Variants in PTPRD observed in about 807,000 individuals in gnomAD.
PTPRD encodes protein tyrosine phosphatase receptor type D, also known as receptor-type tyrosine-protein phosphatase delta.
Under a neutral mutation model 214.5 loss-of-function variants are expected in PTPRD, and 34 were observed. That is an observed-to-expected ratio of 0.16 (90% CI 0.12 to 0.21). The LOEUF is 0.21. Among genes scored for constraint, PTPRD ranks in the 10% least tolerant of loss-of-function variants. The probability of loss-of-function intolerance (pLI) is 1.00; values close to 1 mark genes in which losing one functional copy is unlikely to be tolerated. For synonymous variants in PTPRD, 1,128 were observed against 845.7 expected (o/e 1.33, Z -5.79); for missense variants, 2,545 against 2,398.7 (o/e 1.06, Z -1.27).
intron 6 of PTPRD, among the ~76,000 whole-genome samples, chr9:9,758,756 C>T (rs2098616794): frequency 1.4e-5 from 2 of 141,984 alleles, no homozygotes; most frequent in South Asian, 4.9e-4. Flanking sequence ...CAACCCCCAT[C>T]CCACTACTCC....
chr9:10,497,942 C>T (rs921454728), intron 2 of PTPRD, among the ~76,000 whole-genome samples: 1 of 151,874 alleles, frequency 6.6e-6, no homozygotes, highest in African/African-American at 2.4e-5. Flanking sequence ...CTTATCTAGT[C>T]TGTTGGTTAA....
At chr9:10,511,018 G>A (rs528748682) in intron 2 of PTPRD, among the ~76,000 whole-genome samples, 2 of 124,306 alleles carry the variant, frequency 1.6e-5, no homozygotes, top group African/African-American at 7.1e-5. Context: ...CCATGTTATT[G>A]TAAATGTACT....
rs946317607 is a variant in PTPRD at position 10,369,728 on chromosome 9, A to G, written c.-599-28711T>C. On this transcript the variant is annotated intron_variant, in intron 2 of 45. Transcript: ENST00000381196. ...ATTTCACCAGACTGACGGCTTCTGG[A>G]TCAGACAGTAAGTCTTGAAAGCTAA... 1.1e-4 allele frequency among the ~76,000 whole-genome samples: 17 copies of G among 152,178 alleles called. 1 individual carries two copies. In the South Asian group the frequency reaches 2.9e-3, roughly 26 times the overall value.
intron 5 of PTPRD, among the ~76,000 whole-genome samples, chr9:9,817,794 A>G (rs2049259350): frequency 6.6e-6 from 1 of 152,162 alleles, no homozygotes; most frequent in African/African-American, 2.4e-5. Flanking sequence ...CAGTGTCAAA[A>G]AGTCACAGGC....
chr9:9,298,437 T>C (rs1035088733), intron 9 of PTPRD, among the ~76,000 whole-genome samples: 1 of 151,862 alleles, frequency 6.6e-6, no homozygotes, highest in African/African-American at 2.4e-5. Context: ...TTAACTTTCA[T>C]GGCAGATGGA....
chr9:8,348,038 G>T (rs1256629670), intron 39 of PTPRD, among the ~76,000 whole-genome samples: 1 of 152,020 alleles, frequency 6.6e-6, no homozygotes, highest in Non-Finnish European at 1.5e-5. Flanking sequence ...CTTTTGAAAA[G>T]ATATCCTAAA....
intron 9 of PTPRD, among the ~76,000 whole-genome samples, chr9:9,284,861 G>C (rs938765504): frequency 3.3e-5 from 5 of 151,674 alleles, no homozygotes; most frequent in African/African-American, 4.8e-5. Context: ...TTTTATCAAA[G>C]GACTTTTGGA....
At chr9:9,336,849 A>T (rs1442743311) in intron 9 of PTPRD, among the ~76,000 whole-genome samples, 1 of 152,122 alleles carries the variant, frequency 6.6e-6, no homozygotes, top group African/African-American at 2.4e-5. Context: ...GATAGTTTAT[A>T]TGAGTAAGAC....
At chr9:9,547,040 G>T (rs2078968667) in intron 8 of PTPRD, among the ~76,000 whole-genome samples, 1 of 151,718 alleles carries the variant, frequency 6.6e-6, no homozygotes, top group African/African-American at 2.4e-5. Flanking sequence ...AGACTATGAA[G>T]AGAGGGTTCT....
At chr9:10,297,344 C>T (rs185933739) in intron 3 of PTPRD, among the ~76,000 whole-genome samples, 46 of 151,778 alleles carry the variant, frequency 3.0e-4, no homozygotes, top group Admixed American at 1.5e-3. Flanking sequence ...CCATTTTGTC[C>T]TTCAATTTTG....
intron 11 of PTPRD, among the ~76,000 whole-genome samples, chr9:8,794,775 G>A (rs765800): frequency 0.45 from 67,626 of 151,596 alleles, 15,188 homozygotes; most frequent in East Asian, 0.63. Context: ...AGAGCAAACC[G>A]AGGAGTAAGT....
At chr9:10,555,766 T>C (rs1033082875) in intron 2 of PTPRD, among the ~76,000 whole-genome samples, 1 of 152,024 alleles carries the variant, frequency 6.6e-6, no homozygotes, top group African/African-American at 2.4e-5. Flanking sequence ...ACCACAAAAC[T>C]CAATCATCAG....
rs552133410 is a variant in PTPRD, at chr9:9,287,459, C to G, written c.-202-104096G>C. Among the ~76,000 whole-genome samples, 6 of 151,982 alleles carry G rather than the reference C, an allele frequency of 3.9e-5. No individual in the cohort carries two copies. The East Asian group carries it at 1.2e-3, about 30-fold the overall frequency. On this transcript the variant is annotated intron_variant, in intron 9 of 45. Coordinates refer to ENST00000381196, the MANE Select transcript of PTPRD (RefSeq NM_002839.4). ...AGATTGTAGCTACTTGATAATTTTT[C>G]TATCCAGCCAGACTTCACAAGGACC...
intron 3 of PTPRD, among the ~76,000 whole-genome samples, chr9:10,125,423 T>TTTTTTATTATTA (rs1242346104): frequency 5.2e-5 from 7 of 133,556 alleles, no homozygotes; most frequent in African/African-American, 1.9e-4. Flanking sequence ...TTTGTTTTAT[T>TTTTTTATTATTA]TTATTATTAT....
chr9:9,153,764 T>C (rs1446174172), intron 10 of PTPRD, among the ~76,000 whole-genome samples: 3 of 152,150 alleles, frequency 2.0e-5, no homozygotes, highest in Non-Finnish European at 4.4e-5. Context: ...TCAACATTCA[T>C]CTACTGCAGT....
chr9:9,658,988 C>A (rs1204753187), intron 7 of PTPRD, among the ~76,000 whole-genome samples: 3 of 152,046 alleles, frequency 2.0e-5, no homozygotes, highest in African/African-American at 7.2e-5. Flanking sequence ...TCAAAACATT[C>A]TACTATGTGA....
At chr9:10,338,704 T>C (rs1326726652) in intron 3 of PTPRD, among the ~76,000 whole-genome samples, 2 of 151,768 alleles carry the variant, frequency 1.3e-5, no homozygotes, top group African/African-American at 2.4e-5. Context: ...AGCTCAAAAC[T>C]GTTAATATGT....
chr9:8,446,276 C>A (rs994076938), intron 34 of PTPRD, among the ~76,000 whole-genome samples: 1 of 152,056 alleles, frequency 6.6e-6, no homozygotes, highest in African/African-American at 2.4e-5. Context: ...GAATATCGGG[C>A]AGAATTAAGG....
At chr9:8,802,827 A>G (rs1600273253) in intron 11 of PTPRD, among the ~76,000 whole-genome samples, 2 of 152,274 alleles carry the variant, frequency 1.3e-5, no homozygotes, top group Middle Eastern at 3.4e-3. Context: ...CAAGGTGGGA[A>G]GACAGCTTGA....
Sources: gnomAD v4.1 joint callset for allele counts (sites outside exome capture counted in the v4.1 genomes callset) on GRCh38, gnomAD v4.1.1 for gene constraint, MANE v1.5 for transcripts, NCBI Gene and HGNC (gene_info 2026-07-23, HGNC 2026-07-21) for gene names.